Variants in NAV2 observed in about 807,000 individuals in gnomAD.
The protein encoded by NAV2 is helicase, APC down-regulated 1.
NAV2 carries 54 observed loss-of-function variants against 223.2 expected under a neutral mutation model. The ratio of observed to expected loss-of-function variants is 0.24; its 90% CI spans 0.19 to 0.30. The LOEUF is 0.30. NAV2 is among the 10% of genes least tolerant of loss of function. The probability of loss-of-function intolerance (pLI) is 1.00; values close to 1 mark genes in which losing one functional copy is unlikely to be tolerated. For missense variants in NAV2, 2,806 were observed against 3,147.5 expected (o/e 0.89, Z 2.60); for synonymous variants, 1,279 against 1,239.3 (o/e 1.03, Z -0.67).
At chr11:19,628,066 A>G (rs1007493987) in intron 1 of NAV2, among the ~76,000 whole-genome samples, 29 of 152,266 alleles carry the variant, frequency 1.9e-4, no homozygotes, top group Admixed American at 1.0e-3. Flanking sequence ...GGCTACTTTA[A>G]TCACCACTGG....
chr11:19,848,303 T>G (rs765207863), intron 3 of NAV2, among the ~76,000 whole-genome samples: 1 of 152,158 alleles, frequency 6.6e-6, no homozygotes, highest in African/African-American at 2.4e-5. Context: ...AAAGCTGCTA[T>G]AAGTAGGGGT....
At chr11:19,920,725 A>G (rs1222569716) in intron 6 of NAV2, among the ~76,000 whole-genome samples, 2 of 152,246 alleles carry the variant, frequency 1.3e-5, no homozygotes, top group Non-Finnish European at 2.9e-5. Context: ...CAAGCCTTTA[A>G]GTTGGACTTG....
chr11:19,389,437 A>C (rs1273404112), intron 1 of NAV2, among the ~76,000 whole-genome samples: 3 of 152,242 alleles, frequency 2.0e-5, no homozygotes, highest in Non-Finnish European at 4.4e-5. Flanking sequence ...CTGCTGCAAT[A>C]TATCAGAAAG....
chr11:19,352,964 A>C (rs537751032), intron 1 of NAV2, among the ~76,000 whole-genome samples: 25 of 152,102 alleles, frequency 1.6e-4, no homozygotes, highest in Non-Finnish European at 3.5e-4. Flanking sequence ...GTGTGAAGCT[A>C]AACAAGCCTC....
intron 1 of NAV2, among the ~76,000 whole-genome samples, chr11:19,728,134 G>A (rs949458985): frequency 2.0e-5 from 3 of 152,176 alleles, no homozygotes; most frequent in Admixed American, 6.5e-5. Flanking sequence ...ATGCACATGC[G>A]TCGAGATGCT....
chr11:19,688,458 C>T (rs1006351076), intron 1 of NAV2, among the ~76,000 whole-genome samples: 1 of 152,136 alleles, frequency 6.6e-6, no homozygotes. Context: ...ATAGGGAAAA[C>T]CTGCAGCAAG....
At chr11:19,880,153 T>C in intron 5 of NAV2, 26 bp downstream of exon 5, 2 of 1,536,822 alleles carry the variant, frequency 1.3e-6, no homozygotes, top group Non-Finnish European at 1.8e-6. Context: ...CAACTGATGG[T>C]TCTGTTTTTC....
chr11:19,902,820 T>C (rs2042560147), intron 6 of NAV2, among the ~76,000 whole-genome samples: 1 of 152,168 alleles, frequency 6.6e-6, no homozygotes, highest in South Asian at 2.1e-4. Flanking sequence ...GTCCTCCAAG[T>C]TTAGGTATTT....
At chr11:19,637,562 G>A (rs1433945015) in intron 1 of NAV2, among the ~76,000 whole-genome samples, 1 of 152,256 alleles carries the variant, frequency 6.6e-6, no homozygotes, top group Non-Finnish European at 1.5e-5. Flanking sequence ...CCGTTCTGCA[G>A]GCTGTACAGG....
At chr11:19,821,833 C>G (rs1014971109) in intron 1 of NAV2, among the ~76,000 whole-genome samples, 4 of 152,196 alleles carry the variant, frequency 2.6e-5, no homozygotes, top group African/African-American at 7.2e-5. Flanking sequence ...CTTTCCCTCT[C>G]TCTCTGCTTT....
intron 1 of NAV2, among the ~76,000 whole-genome samples, chr11:19,673,414 G>A (rs150249395): frequency 3.7e-4 from 57 of 152,292 alleles, no homozygotes; most frequent in African/African-American, 5.5e-4. Flanking sequence ...AGAACAGAAA[G>A]GTGAAGTTAT....
At chr11:19,625,012 A>G (rs981151004) in intron 1 of NAV2, among the ~76,000 whole-genome samples, 1 of 152,250 alleles carries the variant, frequency 6.6e-6, no homozygotes, top group Admixed American at 6.5e-5. Context: ...TAGTGATCAC[A>G]TTGGGCTAAT....
intron 1 of NAV2, among the ~76,000 whole-genome samples, chr11:19,441,760 C>G (rs1031829050): frequency 7.9e-5 from 12 of 152,272 alleles, no homozygotes; most frequent in Admixed American, 1.3e-4. Flanking sequence ...CCCATTTTCT[C>G]CCTTGGCTTC....
At chr11:19,685,136 G>A (rs973891909) in intron 1 of NAV2, among the ~76,000 whole-genome samples, 14 of 152,168 alleles carry the variant, frequency 9.2e-5, no homozygotes, top group Admixed American at 7.2e-4. Flanking sequence ...CCAGCCTCCA[G>A]CGAATCCCAG....
chr11:19,520,468 T>C lies in NAV2; in HGVS notation c.75+169441T>C, dbSNP rs182029046. On this transcript the variant is annotated intron_variant, in intron 1 of 37. Transcript: ENST00000360655. ...TCTGCCTCCCTGTCCCATACCTCAG[T>C]GTACCTGACTGTCTTTGCCTCCCAA... Among the ~76,000 whole-genome samples, 3 of 152,348 alleles carry C rather than the reference T, an allele frequency of 2.0e-5. 1 individual carries two copies. The East Asian group carries it at 5.8e-4, about 29-fold the overall frequency.
chr11:19,500,842 A>C (rs1564990539), intron 1 of NAV2, among the ~76,000 whole-genome samples: 1 of 152,238 alleles, frequency 6.6e-6, no homozygotes, highest in African/African-American at 2.4e-5. Flanking sequence ...ATCTTTTGAT[A>C]CAAAGTATAC....
chr11:20,039,077 G>C (rs1396439273), intron 12 of NAV2, among the ~76,000 whole-genome samples: 1 of 152,156 alleles, frequency 6.6e-6, no homozygotes, highest in Non-Finnish European at 1.5e-5. Flanking sequence ...GCCAGGCAGA[G>C]AATCCCCTGC....
intron 1 of NAV2, among the ~76,000 whole-genome samples, chr11:19,476,865 G>T (rs1325933949): frequency 6.6e-6 from 1 of 152,172 alleles, no homozygotes; most frequent in Non-Finnish European, 1.5e-5. Flanking sequence ...ACTTAGCCCT[G>T]GGTCAGGGCA....
chr11:19,598,890 G>A (rs2046282909), intron 1 of NAV2, among the ~76,000 whole-genome samples: 1 of 152,192 alleles, frequency 6.6e-6, no homozygotes, highest in Non-Finnish European at 1.5e-5. Flanking sequence ...GCCTGTGTGT[G>A]TGTGTGTGCA....
Sources: gnomAD v4.1 joint callset for allele counts (sites outside exome capture counted in the v4.1 genomes callset) on GRCh38, gnomAD v4.1.1 for gene constraint, MANE v1.5 for transcripts, NCBI Gene and HGNC (gene_info 2026-07-23, HGNC 2026-07-21) for gene names.